Variants in RHOD observed in about 807,000 individuals in gnomAD.
RHOD encodes the protein rho-related GTP-binding protein RhoD.
Under a neutral mutation model 16.7 loss-of-function variants are expected in RHOD, and 11 were observed. The ratio of observed to expected loss-of-function variants is 0.66; its 90% CI spans 0.41 to 1.09. The LOEUF (loss-of-function observed/expected upper bound fraction) is 1.09. Ranked by LOEUF, RHOD falls within the 50% of genes least tolerant of loss-of-function variation. RHOD has a pLI of 0.00. For synonymous variants in RHOD, 124 were observed against 126.3 expected, an observed-to-expected ratio of 0.98 and a Z score of 0.12; for missense variants, 271 against 291.7, an observed-to-expected ratio of 0.93 and a Z score of 0.52.
intron 1 of RHOD, among the ~76,000 whole-genome samples, chr11:67,059,819 C>G (rs1200770449): frequency 6.6e-6 from 1 of 152,208 alleles, no homozygotes; most frequent in Non-Finnish European, 1.5e-5. Context: ...GACTCTTCCT[C>G]TAGGCAGCCC....
At chr11:67,060,914 A>C (rs909401605) in intron 1 of RHOD, among the ~76,000 whole-genome samples, 1 of 152,268 alleles carries the variant, frequency 6.6e-6, no homozygotes, top group African/African-American at 2.4e-5. Flanking sequence ...ATGCAAGGGC[A>C]CCAGTGCCCT....
intron 2 of RHOD, among the ~76,000 whole-genome samples, chr11:67,066,487 C>T (rs1854960391): frequency 6.6e-6 from 1 of 152,260 alleles, no homozygotes; most frequent in African/African-American, 2.4e-5. Context: ...TTCCTCCAGG[C>T]GGTGCCAGGC....
intron 3 of RHOD, 72 bp from the exon 4 acceptor site, chr11:67,070,353 T>G (rs1053641090): frequency 6.7e-7 from 1 of 1,501,864 alleles, no homozygotes; most frequent in African/African-American, 1.4e-5. Flanking sequence ...AGCAAGAGAG[T>G]GGTCCACTGA....
chr11:67,068,762 G>C (rs1257034627), intron 3 of RHOD, among the ~76,000 whole-genome samples: 1 of 151,840 alleles, frequency 6.6e-6, no homozygotes, highest in East Asian at 2.0e-4. Flanking sequence ...AGCCAAGATC[G>C]CACCACTGCA....
At position 67,056,875 on chromosome 11, in the gene RHOD, G is replaced by T; in HGVS notation, c.-28G>T. ...CTGGGTCTCTGCGCCGCAGCCGCCC[G>T]CCCGCCCGCTCAGCGCCCGGCCCCG... On this transcript the variant is annotated 5_prime_UTR_variant, in exon 1 of 5. Transcript: ENST00000308831. 1.5e-6 allele frequency: 2 copies of T among 1,365,976 alleles called. No homozygotes were observed. Among genetic ancestry groups the T allele is most frequent in the African/African-American group, 3.1e-5 (2 of 64,912 alleles). 84.6% of individuals were successfully genotyped at this position (1,365,976 alleles called of 1,614,324 possible).
rs759665208 is a variant in RHOD at position 67,071,489 on chromosome 11, C to G, written c.520C>G (p.Arg174Gly). ...GAVAYLECSA[R>G]LHDNVHAVFQ... ...GGTGGCCTACCTCGAGTGCTCGGCTCGGCTCCATGACAACGTCCACGCCGT... is the reference window on the plus strand; with the variant it reads ...GGTGGCCTACCTCGAGTGCTCGGCTGGGCTCCATGACAACGTCCACGCCGT... Residue 174 changes from arginine (R) to glycine (G), a missense_variant, in exon 5 of 5, where the codon CGG becomes GGG. By Grantham distance (125) the Arg-to-Gly change is moderately radical. Transcript: ENST00000308831. 6.2e-7 allele frequency: 1 copy of G among 1,610,036 alleles called. No homozygotes were observed. The highest frequency in any genetic ancestry group is 1.3e-5 in the African/African-American group (1 of 74,888).
At chr11:67,061,812 A>T in intron 1 of RHOD, among the ~76,000 whole-genome samples, 1 of 137,896 alleles carries the variant, frequency 7.3e-6, no homozygotes. Flanking sequence ...ATGTGTGTGT[A>T]TATATATATG....
At chr11:67,070,929 G>A (rs1323644475) in intron 4 of RHOD, among the ~76,000 whole-genome samples, 1 of 151,990 alleles carries the variant, frequency 6.6e-6, no homozygotes, top group Non-Finnish European at 1.5e-5. Flanking sequence ...GGCCCAGAAC[G>A]GAGGTTAAAA....
chr11:67,063,419 G>C (rs1157188113), intron 1 of RHOD, among the ~76,000 whole-genome samples: 1 of 151,844 alleles, frequency 6.6e-6, no homozygotes, highest in Non-Finnish European at 1.5e-5. Flanking sequence ...CCTGAGCCTG[G>C]GAGACAGAGG....
intron 1 of RHOD, among the ~76,000 whole-genome samples, chr11:67,061,287 G>A (rs1205103265): frequency 1.3e-5 from 2 of 152,042 alleles, no homozygotes; most frequent in Non-Finnish European, 2.9e-5. Flanking sequence ...ATCACTTGAG[G>A]TCAGGAGGAG....
intron 1 of RHOD, among the ~76,000 whole-genome samples, chr11:67,062,492 C>A (rs1854904727): frequency 6.6e-6 from 1 of 152,066 alleles, no homozygotes; most frequent in Admixed American, 6.6e-5. Context: ...CCTGTTGGTT[C>A]CTTTTGGTAG....
At chr11:67,059,791 C>T (rs1854864297) in intron 1 of RHOD, among the ~76,000 whole-genome samples, 1 of 152,196 alleles carries the variant, frequency 6.6e-6, no homozygotes, top group South Asian at 2.1e-4. Context: ...CCTCCTCCTG[C>T]CCCTGTCCCT....
At chr11:67,061,844 G>A (rs11823548) in intron 1 of RHOD, among the ~76,000 whole-genome samples, 74,477 of 140,414 alleles carry the variant, frequency 0.53, 20,643 homozygotes, top group African/African-American at 0.7. Context: ...GTGTGTGTGT[G>A]TATATATATA....
intron 1 of RHOD, among the ~76,000 whole-genome samples, chr11:67,063,568 C>A (rs1340344344): frequency 7.1e-6 from 1 of 141,676 alleles, no homozygotes; most frequent in Non-Finnish European, 1.5e-5. Context: ...GAGGCCGAGG[C>A]AGGTGGATCA....
intron 1 of RHOD, among the ~76,000 whole-genome samples, chr11:67,058,123 G>A (rs1455373729): frequency 1.3e-5 from 2 of 152,152 alleles, no homozygotes; most frequent in Non-Finnish European, 2.9e-5. Flanking sequence ...AGCCTCCTAA[G>A]TAGCTGGGAT....
Position 67,056,997 on chromosome 11 carries a change from C to T in RHOD, c.95C>T (p.Ser32Leu). Residue 32 changes from serine to leucine, a missense_variant, in exon 1 of 5, where the codon TCG becomes TTG. Transcript: ENST00000308831. ...LVGDGGCGKT[S>L]LLMVFADGAF... ...GGCGACGGCGGCTGCGGGAAGACGT[C>T]GCTGCTGATGGTCTTCGCCGATGGG... 6.6e-7 allele frequency: 1 copy of T among 1,509,318 alleles called. No homozygotes were observed. The highest frequency in any genetic ancestry group is 8.8e-7 in the Non-Finnish European group (1 of 1,138,742). 93.5% of individuals were successfully genotyped at this position (1,509,318 alleles called of 1,614,324 possible).
intron 4 of RHOD, 60 bp downstream of exon 4, chr11:67,070,619 CCT>C (rs1766331123): frequency 1.2e-6 from 2 of 1,602,292 alleles, no homozygotes; most frequent in South Asian, 2.2e-5. Flanking sequence ...CCTCTGGATG[CCT>C]CTCAGTGGCA....
chr11:67,061,739 TAAAAA>T (rs1218968353), intron 1 of RHOD, among the ~76,000 whole-genome samples: 4 of 96,120 alleles, frequency 4.2e-5, no homozygotes, highest in African/African-American at 1.7e-4. Context: ...AGACCCTCTC[TAAAAA>T]AAAAAAAAAA....
Position 67,056,919 on chromosome 11 carries a change from C to T in RHOD, c.17C>T (p.Ala6Val). The T allele has an allele frequency of 2.7e-6, 4 of 1,467,562 alleles. No homozygotes were observed. Among genetic ancestry groups the T allele is most frequent in the Non-Finnish European group, 3.6e-6 (4 of 1,118,274 alleles). 90.9% of individuals were successfully genotyped at this position (1,467,562 alleles called of 1,614,324 possible). A position where few individuals can be genotyped will look rare whatever the true frequency, so the allele number is the denominator to read the frequency against. MTAAQ[A>V]AGEEAPPGVR... ...GGCCCCGGGATGACGGCGGCCCAGGCCGCGGGTGAGGAGGCGCCACCAGGC... is the reference window on the plus strand; with the variant it reads ...GGCCCCGGGATGACGGCGGCCCAGGTCGCGGGTGAGGAGGCGCCACCAGGC... The change falls in exon 1 of 5, where the codon GCC becomes GTC. Residue 6 changes from alanine to valine, a missense_variant. By Grantham distance (64) the Ala-to-Val change is moderately conservative. Transcript: ENST00000308831.
Sources: allele counts gnomAD v4.1 joint callset (sites outside exome capture counted in the v4.1 genomes callset), GRCh38; gene constraint gnomAD v4.1.1; transcripts MANE v1.5; gene names NCBI Gene and HGNC (gene_info 2026-07-23, HGNC 2026-07-21).